The following NEDD9 variants were observed in gnomAD, a reference collection of about 807,000 sequenced individuals.
The protein encoded by NEDD9 is neural precursor cell expressed, developmentally down-regulated 9.
In NEDD9, 26 loss-of-function variants were observed where a neutral mutation model predicts 76.6. That is an observed-to-expected ratio of 0.34 (90% CI 0.25 to 0.47). The LOEUF (loss-of-function observed/expected upper bound fraction) is 0.47. Ranked by LOEUF, NEDD9 falls within the 20% of genes least tolerant of loss-of-function variation. NEDD9 has a pLI of 1.00. For synonymous variants in NEDD9, 392 were observed against 414.2 expected, an observed-to-expected ratio of 0.95 and a Z score of 0.65; for missense variants, 937 against 1,058.5, an observed-to-expected ratio of 0.89 and a Z score of 1.59.
chr6:11,355,716 T>G (rs566120766), intron 1 of NEDD9, among the ~76,000 whole-genome samples: 39 of 125,068 alleles, frequency 3.1e-4, no homozygotes, highest in Admixed American at 6.9e-4. Flanking sequence ...GAGCTTTAGG[T>G]TTTTTTTTTT....
intron 3 of NEDD9, among the ~76,000 whole-genome samples, chr6:11,294,219 T>C (rs747825358): frequency 2.0e-5 from 3 of 152,178 alleles, no homozygotes; most frequent in Non-Finnish European, 4.4e-5. Context: ...CTACATATGA[T>C]AATTGTATTT....
At chr6:11,281,739 T>C (rs1280352306) in intron 3 of NEDD9, among the ~76,000 whole-genome samples, 1 of 152,108 alleles carries the variant, frequency 6.6e-6, no homozygotes, top group East Asian at 1.9e-4. Flanking sequence ...GGATTACTCT[T>C]TTTTTATATA....
intron 4 of NEDD9, 69 bp from the exon 5 acceptor site, chr6:11,191,274 C>A: frequency 6.7e-7 from 1 of 1,491,538 alleles, no homozygotes. Flanking sequence ...GTCCCATGTG[C>A]TCAGTCCTAT....
intron 2 of NEDD9, among the ~76,000 whole-genome samples, chr6:11,212,457 G>T (rs1581959807): frequency 6.6e-6 from 1 of 152,168 alleles, no homozygotes; most frequent in Non-Finnish European, 1.5e-5. Context: ...CCAGGGCTTT[G>T]TTTATCTTTA....
At chr6:11,226,457 G>C (rs1759313125) in intron 1 of NEDD9, among the ~76,000 whole-genome samples, 1 of 152,068 alleles carries the variant, frequency 6.6e-6, no homozygotes, top group African/African-American at 2.4e-5. Flanking sequence ...TGGTCCTAGT[G>C]GTTGGCATTT....
intron 2 of NEDD9, among the ~76,000 whole-genome samples, chr6:11,322,217 T>C (rs1051068667): frequency 6.6e-6 from 1 of 151,898 alleles, no homozygotes; most frequent in Non-Finnish European, 1.5e-5. Context: ...AGGACAAATA[T>C]CTAATGCATG....
chr6:11,293,235 A>T (rs185907745), intron 3 of NEDD9, among the ~76,000 whole-genome samples: 33 of 151,502 alleles, frequency 2.2e-4, no homozygotes, highest in Admixed American at 1.3e-3. Context: ...GTCCAATAAG[A>T]TGGGTATTAT....
chr6:11,374,141 C>T (rs1035783602), intron 1 of NEDD9, among the ~76,000 whole-genome samples: 3 of 151,994 alleles, frequency 2.0e-5, no homozygotes, highest in African/African-American at 7.3e-5. Flanking sequence ...ATACACCCAC[C>T]TTACTCCTTT....
At chr6:11,278,313 G>A (rs1042274122) in intron 3 of NEDD9, among the ~76,000 whole-genome samples, 2 of 152,098 alleles carry the variant, frequency 1.3e-5, no homozygotes, top group Non-Finnish European at 2.9e-5. Flanking sequence ...GTGTTGTGAC[G>A]TGCCAGACCC....
intron 3 of NEDD9, among the ~76,000 whole-genome samples, chr6:11,292,510 ACT>A (rs1244023159): frequency 6.6e-6 from 1 of 151,794 alleles, no homozygotes; most frequent in African/African-American, 2.4e-5. Flanking sequence ...AGGCCCAATG[ACT>A]CTTCCACCAG....
chr6:11,373,174 G>A (rs1412537623), intron 1 of NEDD9, among the ~76,000 whole-genome samples: 1 of 151,130 alleles, frequency 6.6e-6, no homozygotes, highest in Non-Finnish European at 1.5e-5. Context: ...AACTCATGAA[G>A]AAAATGAAAT....
At chr6:11,277,390 G>A (rs533208360) in intron 3 of NEDD9, among the ~76,000 whole-genome samples, 1 of 152,198 alleles carries the variant, frequency 6.6e-6, no homozygotes, top group Admixed American at 6.5e-5. Flanking sequence ...AGTGAGAAGA[G>A]AGAGGTGGCG....
chr6:11,213,705 T>A lies in NEDD9; in HGVS notation c.35A>T (p.Tyr12Phe). 6.2e-7 allele frequency: 1 copy of A among 1,614,074 alleles called. No individual in the cohort carries two copies. The highest frequency in any genetic ancestry group is 1.1e-5 in the South Asian group (1 of 91,080). Residue 12 changes from tyrosine (Y) to phenylalanine (F), a missense_variant, in exon 2 of 7, where the codon TAT becomes TTT. Physicochemically the swap from Tyr to Phe is conservative, Grantham distance 22. Coordinates refer to ENST00000379446, the MANE Select transcript of NEDD9 (RefSeq NM_006403.4). This position sits in a 1 kb window ranked among gnomAD's most constrained non-coding sequence, Gnocchi z 5.4. ...CTCGGCACACTCTGGGACATTGTCA[T>A]ATAAGGCCCTTGCCATAAGATTCTA... Reference protein sequence around the residue: ...KYKNLMARALYDNVPECAEEL... With the variant: ...KYKNLMARALFDNVPECAEEL...
intron 1 of NEDD9, among the ~76,000 whole-genome samples, chr6:11,230,187 A>G (rs1472101565): frequency 1.3e-5 from 2 of 152,252 alleles, no homozygotes; most frequent in African/African-American, 2.4e-5. Flanking sequence ...ACTATCTTAA[A>G]AAGAAATTAT....
At chr6:11,340,611 C>A (rs1762253364) in intron 1 of NEDD9, among the ~76,000 whole-genome samples, 1 of 152,160 alleles carries the variant, frequency 6.6e-6, no homozygotes, top group Admixed American at 6.5e-5. Context: ...ATGATGTGAT[C>A]TTCCACACTA....
Position 11,213,308 on chromosome 6 carries a change from T to C in NEDD9, c.432A>G (p.Gly144=), listed in dbSNP as rs1758840564. The C allele has an allele frequency of 1.2e-6, 2 of 1,607,996 alleles. No homozygotes were observed. The highest frequency in any genetic ancestry group is 1.7e-6 in the Non-Finnish European group (2 of 1,175,030). The change falls in exon 2 of 7, where the codon GGA becomes GGG. Residue 144 remains glycine, a synonymous_variant. Transcript: ENST00000379446. The surrounding 1 kb of genome is among the most constrained non-coding windows in gnomAD (Gnocchi z 5.4). ...TTTTACCCACGTGGGGCCCACTGGT[T>C]CCCCCAATGCTTCTCTGCACTGATG... is the stretch of plus-strand genomic sequence containing the variant. ...VPPSVQRSIG[G]TSGPHVGKKV...
At chr6:11,337,174 T>C (rs2113515285) in intron 1 of NEDD9, among the ~76,000 whole-genome samples, 1 of 152,220 alleles carries the variant, frequency 6.6e-6, no homozygotes, top group South Asian at 2.1e-4. Flanking sequence ...GCCCAGATCA[T>C]GCCACTGCAC....
In NEDD9 at chr6:11,184,900, AC is replaced by A; in HGVS notation, c.*261del. On this transcript the variant is annotated 3_prime_UTR_variant, in exon 7 of 7. Coordinates refer to ENST00000379446, the MANE Select transcript of NEDD9 (RefSeq NM_006403.4). Reference sequence around the variant, plus strand: ...CAAACAAACATGAATACATGGGCATACAAAAGCACGTGGACAAGTTTTCTGT... The same window carrying A: ...CAAACAAACATGAATACATGGGCATAAAAAGCACGTGGACAAGTTTTCTGT... 2.9e-6 allele frequency: 1 copy of A among 343,584 alleles called. No individual in the cohort carries two copies. Among genetic ancestry groups the A allele is most frequent in the Non-Finnish European group, 5.3e-6 (1 of 190,220 alleles). The allele number at this position is 343,584 out of a possible 1,614,324, so 21.3% of individuals were successfully genotyped here.
chr6:11,188,195 GT>G (rs752857958), intron 6 of NEDD9, 22 bp downstream of exon 6: 30 of 1,596,782 alleles, frequency 1.9e-5, no homozygotes, highest in Non-Finnish European at 2.5e-5. Context: ...ATGCCAAGCA[GT>G]TTTTGCTCTG....
Sources: gnomAD v4.1 joint callset for allele counts (sites outside exome capture counted in the v4.1 genomes callset) on GRCh38, gnomAD v4.1.1 for gene constraint, Gnocchi (gnomAD v3.1) non-coding constraint, MANE v1.5 for transcripts, NCBI Gene and HGNC (gene_info 2026-07-23, HGNC 2026-07-21) for gene names.